Variants in GOLIM4 observed in about 807,000 individuals in gnomAD.
The protein encoded by GOLIM4 is golgi integral membrane protein 4, also known as 130 kDa golgi-localized phosphoprotein.
In GOLIM4, 71 loss-of-function variants were observed where a neutral mutation model predicts 107.4. That is an observed-to-expected ratio of 0.66 (90% CI 0.55 to 0.81). The LOEUF is 0.81. Among genes scored for constraint, GOLIM4 ranks in the 30% least tolerant of loss-of-function variants. The probability of loss-of-function intolerance (pLI) is 0.00; values close to 1 mark genes in which losing one functional copy is unlikely to be tolerated. For missense variants in GOLIM4, 830 were observed against 826.1 expected (o/e 1.00, Z -0.06); for synonymous variants, 327 against 294.8 (o/e 1.11, Z -1.12).
intron 7 of GOLIM4, among the ~76,000 whole-genome samples, chr3:168,039,137 T>C (rs1234272638): frequency 6.6e-6 from 1 of 152,114 alleles, no homozygotes; most frequent in Non-Finnish European, 1.5e-5. Context: ...CTAACACATA[T>C]GGCTCTAATT....
chr3:168,044,007 C>G (rs1325835192), intron 4 of GOLIM4, among the ~76,000 whole-genome samples: 1 of 152,186 alleles, frequency 6.6e-6, no homozygotes, highest in African/African-American at 2.4e-5. Context: ...GAATAGTAAT[C>G]AACTGTTTAG....
chr3:168,017,422 C>T (rs1577503006), intron 14 of GOLIM4, among the ~76,000 whole-genome samples: 1 of 152,098 alleles, frequency 6.6e-6, no homozygotes, highest in Non-Finnish European at 1.5e-5. Context: ...CTCTGGAGGT[C>T]AAAGTTGCAG....
chr3:168,081,386 T>A (rs142447691), intron 1 of GOLIM4, among the ~76,000 whole-genome samples: 595 of 152,226 alleles, frequency 3.9e-3, no homozygotes, highest in Admixed American at 6.0e-3. Context: ...GCATCTTCCA[T>A]GGACATAGTA....
intron 8 of GOLIM4, among the ~76,000 whole-genome samples, chr3:168,033,566 C>T: frequency 8.3e-6 from 1 of 120,924 alleles, no homozygotes; most frequent in East Asian, 2.6e-4. Flanking sequence ...GAGATTGCGC[C>T]ACTGCACTCC....
intron 14 of GOLIM4, 81 bp from the exon 15 acceptor site, chr3:168,010,904 T>G: frequency 2.1e-6 from 2 of 943,156 alleles, no homozygotes; most frequent in Non-Finnish European, 3.4e-6. Context: ...TGTTATCATT[T>G]AAAGACTTGC....
At chr3:168,011,847 GGAAAA>G (rs1717055604) in intron 14 of GOLIM4, among the ~76,000 whole-genome samples, 1 of 133,852 alleles carries the variant, frequency 7.5e-6, no homozygotes, top group Admixed American at 7.0e-5. Flanking sequence ...TCTGTTAGAA[GGAAAA>G]CTAACAAACA....
rs1722144275 is a variant in GOLIM4, at chr3:168,095,477, G to A, written c.-192C>T. The A allele has an allele frequency of 1.5e-5, 8 of 541,174 alleles. No homozygotes were observed. The South Asian group carries it at 1.7e-4, about 11-fold the overall frequency. 33.5% of individuals were successfully genotyped at this position (541,174 alleles called of 1,614,324 possible). A position where few individuals can be genotyped will look rare whatever the true frequency, so the allele number is the denominator to read the frequency against. ...GCGCGGCGCGGGGCGCGCAGCCATC[G>A]ACGCCGCCCGGGCAGCTGCAGCCAA... On this transcript the variant is annotated 5_prime_UTR_variant, in exon 1 of 16. Coordinates refer to ENST00000470487, the MANE Select transcript of GOLIM4 (RefSeq NM_014498.5).
At chr3:168,017,588 G>C (rs901007218) in intron 14 of GOLIM4, among the ~76,000 whole-genome samples, 8 of 152,322 alleles carry the variant, frequency 5.3e-5, no homozygotes, top group African/African-American at 1.2e-4. Context: ...TATGGAGGCA[G>C]GAACTGCCTG....
intron 1 of GOLIM4, among the ~76,000 whole-genome samples, chr3:168,069,558 A>C (rs1036234344): frequency 2.0e-5 from 3 of 152,244 alleles, no homozygotes; most frequent in African/African-American, 7.2e-5. Context: ...AATGATTTAA[A>C]TACAGAGACC....
At chr3:168,040,901 T>G (rs761232217) in intron 6 of GOLIM4, 32 bp from the exon 7 acceptor site, 2 of 1,394,998 alleles carry the variant, frequency 1.4e-6, no homozygotes, top group Admixed American at 3.4e-5. Context: ...ATGTTGAGCT[T>G]TAACATTCTA....
chr3:168,094,477 G>A (rs1239917713), intron 1 of GOLIM4, among the ~76,000 whole-genome samples: 1 of 152,190 alleles, frequency 6.6e-6, no homozygotes, highest in Non-Finnish European at 1.5e-5. Context: ...GGTATGTAGT[G>A]TGGACTTTTC....
chr3:168,036,799 G>A, intron 8 of GOLIM4, 37 bp downstream of exon 8: 3 of 1,509,040 alleles, frequency 2.0e-6, no homozygotes, highest in South Asian at 1.3e-5. Flanking sequence ...GACAGAGAAA[G>A]TGACCTAACC....
At chr3:168,081,062 A>C (rs1024582917) in intron 1 of GOLIM4, among the ~76,000 whole-genome samples, 1 of 152,240 alleles carries the variant, frequency 6.6e-6, no homozygotes, top group Non-Finnish European at 1.5e-5. Flanking sequence ...ACCAGGTAGC[A>C]GCCTGTGGTG....
rs1577493438 is a variant in GOLIM4, at chr3:168,009,816, T to A, written c.*453A>T. On this transcript the variant is annotated 3_prime_UTR_variant, in exon 16 of 16. Transcript: ENST00000470487. Reference sequence around the variant, plus strand: ...TCTATCAGAGCTATACATAAAGACATCAGAAGGGCAGCAATTAGTAAACAG... The same window carrying A: ...TCTATCAGAGCTATACATAAAGACAACAGAAGGGCAGCAATTAGTAAACAG... 1 of 153,730 alleles carries A rather than the reference T, an allele frequency of 6.5e-6. No homozygotes were observed. The highest frequency in any genetic ancestry group is 1.9e-4 in the East Asian group (1 of 5,214). The allele number at this position is 153,730 out of a possible 1,614,324, so 9.5% of individuals were successfully genotyped here. A position where few individuals can be genotyped will look rare whatever the true frequency, so the allele number is the denominator to read the frequency against.
intron 8 of GOLIM4, among the ~76,000 whole-genome samples, chr3:168,035,998 G>C (rs1387634917): frequency 6.6e-6 from 1 of 152,176 alleles, no homozygotes; most frequent in Non-Finnish European, 1.5e-5. Context: ...ACCCGTAGGA[G>C]TGTCAAACAG....
intron 1 of GOLIM4, among the ~76,000 whole-genome samples, chr3:168,086,813 A>G (rs1721653731): frequency 6.6e-6 from 1 of 152,184 alleles, no homozygotes; most frequent in Non-Finnish European, 1.5e-5. Context: ...AAAGAACACA[A>G]ATATACCATT....
intron 1 of GOLIM4, among the ~76,000 whole-genome samples, chr3:168,089,725 G>A (rs1232618592): frequency 2.0e-5 from 3 of 150,018 alleles, no homozygotes; most frequent in African/African-American, 7.3e-5. Context: ...CGCTGGAGAT[G>A]AAGGAATAAA....
intron 1 of GOLIM4, among the ~76,000 whole-genome samples, chr3:168,063,246 C>A (rs550506609): frequency 6.6e-6 from 1 of 152,330 alleles, no homozygotes; most frequent in South Asian, 2.1e-4. Context: ...AAAGTCAACA[C>A]TGGGGATAAG....
chr3:168,077,775 A>G (rs1721145249), intron 1 of GOLIM4, among the ~76,000 whole-genome samples: 1 of 152,154 alleles, frequency 6.6e-6, no homozygotes, highest in Non-Finnish European at 1.5e-5. Context: ...TTTTTTTAAT[A>G]AAGATTTAAG....
Sources: gnomAD v4.1 joint callset for allele counts (sites outside exome capture counted in the v4.1 genomes callset) on GRCh38, gnomAD v4.1.1 for gene constraint, MANE v1.5 for transcripts, NCBI Gene and HGNC (gene_info 2026-07-23, HGNC 2026-07-21) for gene names.